Variants in U2SURP observed in about 807,000 individuals in gnomAD.
The protein encoded by U2SURP is U2 snRNP-associated SURP motif-containing protein.
U2SURP carries 9 observed loss-of-function variants against 144.9 expected under a neutral mutation model. The ratio of observed to expected loss-of-function variants is 0.06; its 90% CI spans 0.04 to 0.11. The LOEUF (loss-of-function observed/expected upper bound fraction) is 0.11, where lower values mean the gene tolerates loss of function less well. Among genes scored for constraint, U2SURP ranks in the 10% least tolerant of loss-of-function variants. The probability of loss-of-function intolerance (pLI) is 1.00; values close to 1 mark genes in which losing one functional copy is unlikely to be tolerated. For missense variants in U2SURP, 724 were observed against 1,226.7 expected, an observed-to-expected ratio of 0.59 and a Z score of 6.12; for synonymous variants, 408 against 396.8, an observed-to-expected ratio of 1.03 and a Z score of -0.33.
At chr3:143,045,730 C>G (rs1273274179) in intron 24 of U2SURP, among the ~76,000 whole-genome samples, 1 of 152,240 alleles carries the variant, frequency 6.6e-6, no homozygotes, top group Non-Finnish European at 1.5e-5. Flanking sequence ...ATTTCTCCTG[C>G]TTTCATAGTG....
rs370686170 is a variant in U2SURP at position 143,037,277 on chromosome 3, C to T, written c.2163C>T (p.Ile721=). 118 of 1,612,494 alleles carry T rather than the reference C, an allele frequency of 7.3e-5. No homozygotes were observed. The highest frequency in any genetic ancestry group is 3.3e-5 in the Admixed American group (2 of 59,786). Residue 721 remains isoleucine, a synonymous_variant, in exon 21 of 28, where the codon ATC becomes ATT. Transcript: ENST00000473835. ...GAATTCCTATTGATGCTACTCCCAT[C>T]GATGATCTTGATGGAGTCCCTATAA... is the stretch of plus-strand genomic sequence containing the variant. The part of the protein sequence containing the change: ...VDGIPIDATP[I]DDLDGVPIKS...
At chr3:143,027,614 G>A (rs753631560) in intron 14 of U2SURP, among the ~76,000 whole-genome samples, 7 of 151,908 alleles carry the variant, frequency 4.6e-5, no homozygotes, top group African/African-American at 1.2e-4. Context: ...AGCATGTATC[G>A]GGATTTCCTT....
intron 1 of U2SURP, among the ~76,000 whole-genome samples, chr3:143,007,142 T>C (rs1935873968): frequency 2.0e-5 from 3 of 152,220 alleles, no homozygotes. Flanking sequence ...TTTTTCCTTT[T>C]GGATTTTCTT....
At chr3:143,016,513 C>T in intron 5 of U2SURP, 142 bp downstream of exon 5, 1 of 725,130 alleles carries the variant, frequency 1.4e-6, no homozygotes, top group South Asian at 2.0e-5. Context: ...TCTATCAGCA[C>T]CCTCTAGTGG....
intron 12 of U2SURP, 130 bp from the exon 13 acceptor site, chr3:143,023,845 T>C: frequency 2.6e-6 from 2 of 770,652 alleles, no homozygotes; most frequent in Non-Finnish European, 2.2e-6. Context: ...TGACTTCAAA[T>C]GCAGTGATTG....
At position 143,057,071 on chromosome 3, in the gene U2SURP, T is replaced by A. The variant is rs1935184631; in HGVS notation, c.*621T>A. Reference sequence around the variant, plus strand: ...ATAAGTTTCTCTTGGGTAATACTAATACCCAGATATCAAAGACTAGGTAGA... The same window carrying A: ...ATAAGTTTCTCTTGGGTAATACTAAAACCCAGATATCAAAGACTAGGTAGA... On this transcript the variant is annotated 3_prime_UTR_variant, in exon 28 of 28. Coordinates refer to ENST00000473835, the MANE Select transcript of U2SURP (RefSeq NM_001080415.2). 1 of 152,480 alleles carries A rather than the reference T, an allele frequency of 6.6e-6. No individual in the cohort carries two copies. Among genetic ancestry groups the A allele is most frequent in the Non-Finnish European group, 1.5e-5 (1 of 67,962 alleles). 9.4% of individuals were successfully genotyped at this position (152,480 alleles called of 1,614,324 possible).
chr3:143,036,287 C>T (rs558716019), intron 20 of U2SURP, among the ~76,000 whole-genome samples, 183 bp downstream of exon 20: 85 of 152,082 alleles, frequency 5.6e-4, no homozygotes, highest in African/African-American at 2.0e-3. Context: ...AACAGGAATT[C>T]TCTGTCTTGT....
At chr3:143,035,600 T>G (rs1424599273) in intron 19 of U2SURP, among the ~76,000 whole-genome samples, 2 of 152,170 alleles carry the variant, frequency 1.3e-5, no homozygotes, top group African/African-American at 4.8e-5. Flanking sequence ...AATTAGGAAG[T>G]ACTTTATTGG....
rs142651683 is a variant in U2SURP, at chr3:143,038,100, C to A, written c.2222-8C>A. The A allele has an allele frequency of 3.6e-5, 58 of 1,591,472 alleles. No homozygotes were observed. The African/African-American group carries it at 7.4e-4, about 20-fold the overall frequency. On this transcript the variant is annotated splice_region_variant and splice_polypyrimidine_tract_variant and intron_variant, in intron 21 of 27. Coordinates refer to ENST00000473835, the MANE Select transcript of U2SURP (RefSeq NM_001080415.2). ...AGTCAGGGTTAATGGCTTATCTTTCCCTAATAGTGGATGCAACTGAAGACT... is the reference window on the plus strand; with the variant it reads ...AGTCAGGGTTAATGGCTTATCTTTCACTAATAGTGGATGCAACTGAAGACT...
chr3:143,016,777 T>C, intron 5 of U2SURP, 65 bp from the exon 6 acceptor site: 1 of 1,372,358 alleles, frequency 7.3e-7, no homozygotes, highest in East Asian at 2.7e-5. Context: ...TTACTTGTTT[T>C]TAAATAAAAC....
At position 143,058,122 on chromosome 3, in the gene U2SURP, A is replaced by G. The variant is rs114747828; in HGVS notation, c.*1672A>G. 1 of 152,532 alleles carries G rather than the reference A, an allele frequency of 6.6e-6. No homozygotes were observed. Among genetic ancestry groups the G allele is most frequent in the African/African-American group, 2.4e-5 (1 of 41,552 alleles). The allele number at this position is 152,532 out of a possible 1,614,324, so 9.4% of individuals were successfully genotyped here. On this transcript the variant is annotated 3_prime_UTR_variant, in exon 28 of 28. Coordinates refer to ENST00000473835, the MANE Select transcript of U2SURP (RefSeq NM_001080415.2). ...AAAACCTACAAATGTAGCCATTTAAAAAGTAACATGTTTTTCTCCCCTGCT... is the reference window on the plus strand; with the variant it reads ...AAAACCTACAAATGTAGCCATTTAAGAAGTAACATGTTTTTCTCCCCTGCT...
intron 24 of U2SURP, among the ~76,000 whole-genome samples, chr3:143,048,141 G>T (rs375439142): frequency 2.0e-5 from 3 of 152,310 alleles, no homozygotes; most frequent in African/African-American, 2.4e-5. Flanking sequence ...ATACCTGTCT[G>T]TTGCCTGAAG....
Position 143,058,421 on chromosome 3 carries a change from C to G in U2SURP, c.*1971C>G, listed in dbSNP as rs953038869. 6.6e-6 allele frequency: 1 copy of G among 151,700 alleles called. No individual in the cohort carries two copies. Among genetic ancestry groups the G allele is most frequent in the African/African-American group, 2.4e-5 (1 of 41,352 alleles). The allele number at this position is 151,700 out of a possible 1,614,324, so 9.4% of individuals were successfully genotyped here. A position where few individuals can be genotyped will look rare whatever the true frequency, so the allele number is the denominator to read the frequency against. ...CCTACTACATTGGAGTTTAGCAGTT[C>G]TTTTTTTCTGGATCCAGATACAAGT... On this transcript the variant is annotated 3_prime_UTR_variant, in exon 28 of 28. Coordinates refer to ENST00000473835, the MANE Select transcript of U2SURP (RefSeq NM_001080415.2).
chr3:143,048,292 G>T (rs550520254), intron 24 of U2SURP, among the ~76,000 whole-genome samples: 1 of 152,304 alleles, frequency 6.6e-6, no homozygotes, highest in South Asian at 2.1e-4. Context: ...TATAAGTAGG[G>T]ATTGTATAGT....
rs746295511 is a variant in U2SURP at position 143,036,099 on chromosome 3, A to G, written c.2059A>G (p.Thr687Ala). The G allele has an allele frequency of 1.9e-6, 3 of 1,604,164 alleles. No individual in the cohort carries two copies. Among genetic ancestry groups the G allele is most frequent in the South Asian group, 1.1e-5 (1 of 88,818 alleles). ...TGTAAATATTATTGAAGAAAAGGAA[A>G]CAGAGGTAGGCAGTCTGTATTTGTC... ...GLVNIIEEKE[T>A]EDVPDDLDGA... is the part of the protein sequence containing the mutation. Residue 687 changes from threonine (T) to alanine (A), a missense_variant, in exon 20 of 28, where the codon ACA (threonine) becomes GCA (alanine). This residue lies in a region of U2SURP where 116 missense variants were observed against 167.9 expected (regional missense o/e 0.69). Coordinates refer to ENST00000473835, the MANE Select transcript of U2SURP (RefSeq NM_001080415.2).
intron 27 of U2SURP, 138 bp from the exon 28 acceptor site, chr3:143,056,174 A>T: frequency 1.2e-6 from 1 of 850,346 alleles, no homozygotes; most frequent in Non-Finnish European, 1.8e-6. Flanking sequence ...AATAGAGTTT[A>T]AATTTTAGAA....
chr3:143,052,283 A>G (rs1934915869), intron 25 of U2SURP, among the ~76,000 whole-genome samples: 1 of 152,116 alleles, frequency 6.6e-6, no homozygotes, highest in African/African-American at 2.4e-5. Flanking sequence ...AATCCTAGCT[A>G]CTCAGGAGGC....
At chr3:143,041,832 C>G (rs908825335) in intron 23 of U2SURP, among the ~76,000 whole-genome samples, 1 of 151,882 alleles carries the variant, frequency 6.6e-6, no homozygotes, top group African/African-American at 2.4e-5. Flanking sequence ...GGCAAAACAG[C>G]GTTTGTTCTG....
At chr3:143,042,008 GTA>G (rs1934141084) in intron 23 of U2SURP, among the ~76,000 whole-genome samples, 1 of 151,844 alleles carries the variant, frequency 6.6e-6, no homozygotes, top group Non-Finnish European at 1.5e-5. Context: ...GTCTCAGAAT[GTA>G]TTTTTTTTAA....
Sources: allele counts gnomAD v4.1 joint callset (sites outside exome capture counted in the v4.1 genomes callset), GRCh38; gene constraint gnomAD v4.1.1; regional missense constraint gnomAD v4.1.1; transcripts MANE v1.5; gene names NCBI Gene and HGNC (gene_info 2026-07-23, HGNC 2026-07-21).